CNTNAP2: variants seen among roughly 807,000 people sequenced by gnomAD.
CNTNAP2 encodes the protein contactin associated protein 2, also known as contactin-associated protein-like 2.
In CNTNAP2, 98 loss-of-function variants were observed where a neutral mutation model predicts 155.2. The observed-to-expected ratio is 0.63, with a 90% CI of 0.54 to 0.75. CNTNAP2 has a LOEUF of 0.75. Among genes scored for constraint, CNTNAP2 ranks in the 30% least tolerant of loss-of-function variants. The probability of loss-of-function intolerance (pLI) is 0.00; values close to 1 mark genes in which losing one functional copy is unlikely to be tolerated. For synonymous variants in CNTNAP2, 651 were observed against 631.2 expected, an observed-to-expected ratio of 1.03 and a Z score of -0.47; for missense variants, 1,727 against 1,688.1, an observed-to-expected ratio of 1.02 and a Z score of -0.40.
intron 21 of CNTNAP2, among the ~76,000 whole-genome samples, chr7:148,318,132 ACTC>A (rs1382640781): frequency 6.6e-6 from 1 of 151,776 alleles, no homozygotes; most frequent in Non-Finnish European, 1.5e-5. Context: ...GATGCCTACT[ACTC>A]TTGAGGATCT....
intron 3 of CNTNAP2, among the ~76,000 whole-genome samples, chr7:146,874,969 A>G (rs541428076): frequency 1.4e-4 from 21 of 152,292 alleles, no homozygotes; most frequent in African/African-American, 5.1e-4. Flanking sequence ...TGCTTTGCAC[A>G]TGTTTTGAAC....
chr7:147,919,917 G>T (rs764804029), intron 14 of CNTNAP2, among the ~76,000 whole-genome samples: 2 of 151,848 alleles, frequency 1.3e-5, no homozygotes, highest in Non-Finnish European at 1.5e-5. Flanking sequence ...TACTTCATTG[G>T]TGTTAATTTG....
intron 9 of CNTNAP2, among the ~76,000 whole-genome samples, chr7:147,345,897 G>C (rs1011920157): frequency 1.3e-5 from 2 of 152,124 alleles, no homozygotes; most frequent in South Asian, 4.1e-4. Flanking sequence ...AACCCTCAAA[G>C]AGATGGCAAT....
At chr7:147,317,256 A>C (rs1795248606) in intron 9 of CNTNAP2, among the ~76,000 whole-genome samples, 1 of 152,170 alleles carries the variant, frequency 6.6e-6, no homozygotes, top group Admixed American at 6.5e-5. Flanking sequence ...GTCCTCTTTC[A>C]ATCTATCTTC....
chr7:148,364,695 C>T (rs527648821), intron 21 of CNTNAP2, among the ~76,000 whole-genome samples: 169 of 152,280 alleles, frequency 1.1e-3, no homozygotes, highest in African/African-American at 3.5e-3. Context: ...GGATTGTAAA[C>T]GCACCAATCA....
At chr7:148,146,842 C>A (rs892035908) in intron 16 of CNTNAP2, among the ~76,000 whole-genome samples, 2 of 152,178 alleles carry the variant, frequency 1.3e-5, no homozygotes, top group African/African-American at 4.8e-5. Context: ...ATTACACCAA[C>A]AATTCAAGGG....
At chr7:148,212,992 T>G (rs1400996623) in intron 18 of CNTNAP2, among the ~76,000 whole-genome samples, 2 of 152,166 alleles carry the variant, frequency 1.3e-5, no homozygotes, top group Non-Finnish European at 2.9e-5. Context: ...TTTTGGATTG[T>G]TTATCTGAAA....
At chr7:146,494,085 G>A (rs1465309174) in intron 1 of CNTNAP2, among the ~76,000 whole-genome samples, 1 of 152,108 alleles carries the variant, frequency 6.6e-6, no homozygotes, top group African/African-American at 2.4e-5. Flanking sequence ...TGTAATGCCA[G>A]TACTTTTGGG....
chr7:148,251,310 A>G (rs558845507), intron 20 of CNTNAP2, among the ~76,000 whole-genome samples: 38 of 152,204 alleles, frequency 2.5e-4, no homozygotes, highest in Non-Finnish European at 4.7e-4. Flanking sequence ...TAAAGGATAC[A>G]ATCCAGACCG....
rs531009295 is a variant in CNTNAP2, at chr7:148,419,678, A to G, written c.*4062A>G. On this transcript the variant is annotated 3_prime_UTR_variant, in exon 24 of 24. Coordinates refer to ENST00000361727, the MANE Select transcript of CNTNAP2 (RefSeq NM_014141.6). ...AGGGTGGTCTCGAACTCCTGACCTC[A>G]AGTGATCCGTCCACCTCGGCCTTGC... The G allele has an allele frequency of 6.6e-6, 1 of 151,566 alleles. No individual in the cohort carries two copies. Among genetic ancestry groups the G allele is most frequent in the East Asian group, 1.9e-4 (1 of 5,152 alleles). The allele number at this position is 151,566 out of a possible 1,614,324, so 9.4% of individuals were successfully genotyped here.
chr7:146,735,878 A>G (rs571005822), intron 1 of CNTNAP2, among the ~76,000 whole-genome samples: 1 of 151,960 alleles, frequency 6.6e-6, no homozygotes, highest in South Asian at 2.1e-4. Context: ...TTTAGTCTAT[A>G]TTTTCAAATA....
At chr7:146,599,741 C>CAGAGATAGATAGATAG (rs1363647760) in intron 1 of CNTNAP2, among the ~76,000 whole-genome samples, 1 of 40,478 alleles carries the variant, frequency 2.5e-5, no homozygotes, top group Non-Finnish European at 4.7e-5. Context: ...AGACGACAGA[C>CAGAGATAGATAGATAG]AGAGATAGAT....
intron 1 of CNTNAP2, among the ~76,000 whole-genome samples, chr7:146,738,471 G>A (rs143448452): frequency 1.6e-4 from 24 of 151,886 alleles, no homozygotes; most frequent in East Asian, 7.7e-4. Flanking sequence ...TTTTCTCTTC[G>A]TTTTGTTTAT....
chr7:148,207,348 T>A (rs1795468077), intron 18 of CNTNAP2, among the ~76,000 whole-genome samples: 1 of 152,054 alleles, frequency 6.6e-6, no homozygotes, highest in African/African-American at 2.4e-5. Flanking sequence ...TGGAGCCACG[T>A]GGAGTACGCG....
At chr7:147,466,315 C>G (rs1798118341) in intron 10 of CNTNAP2, among the ~76,000 whole-genome samples, 2 of 152,144 alleles carry the variant, frequency 1.3e-5, no homozygotes, top group African/African-American at 4.8e-5. Context: ...TTATGACCTA[C>G]AGTCAAACAA....
chr7:147,710,117 A>G (rs1380345361), intron 13 of CNTNAP2, among the ~76,000 whole-genome samples: 1 of 152,142 alleles, frequency 6.6e-6, no homozygotes, highest in African/African-American at 2.4e-5. Context: ...ATCCTACAAA[A>G]CACACATGAA....
At chr7:147,289,565 T>C (rs1186768436) in intron 8 of CNTNAP2, among the ~76,000 whole-genome samples, 6 of 152,204 alleles carry the variant, frequency 3.9e-5, no homozygotes, top group African/African-American at 1.2e-4. Flanking sequence ...TGTATAAACA[T>C]ATTCCTACTA....
chr7:148,334,262 G>A (rs1798080015), intron 21 of CNTNAP2, among the ~76,000 whole-genome samples: 1 of 152,076 alleles, frequency 6.6e-6, no homozygotes, highest in Non-Finnish European at 1.5e-5. Context: ...GGGATCCCAG[G>A]GTCTCTTGGG....
At chr7:147,629,929 G>A (rs973645294) in intron 12 of CNTNAP2, among the ~76,000 whole-genome samples, 2 of 151,244 alleles carry the variant, frequency 1.3e-5, no homozygotes, top group Admixed American at 6.6e-5. Flanking sequence ...AGAAAAACAA[G>A]TACAAACAAT....
Sources: gnomAD v4.1 joint callset for allele counts (sites outside exome capture counted in the v4.1 genomes callset) on GRCh38, gnomAD v4.1.1 for gene constraint, MANE v1.5 for transcripts, NCBI Gene and HGNC (gene_info 2026-07-23, HGNC 2026-07-21) for gene names.